The following RALYL variants were observed in gnomAD, a reference collection of about 807,000 sequenced individuals.
The protein encoded by RALYL is RNA-binding Raly-like protein.
A neutral mutation model predicts 35.1 loss-of-function variants in RALYL; 29 were observed. The observed-to-expected ratio is 0.83, with a 90% CI of 0.61 to 1.13. The LOEUF is 1.13. Ranked by LOEUF, RALYL falls within the 50% of genes most tolerant of loss-of-function variation. The pLI, the probability that RALYL is intolerant of heterozygous loss-of-function variation, is 0.00. For missense variants in RALYL, 359 were observed against 360.4 expected, an observed-to-expected ratio of 1.00 and a Z score of 0.03; for synonymous variants, 120 against 127.6, an observed-to-expected ratio of 0.94 and a Z score of 0.40.
chr8:84,835,828 T>C (rs774194775), intron 4 of RALYL, among the ~76,000 whole-genome samples: 3 of 151,908 alleles, frequency 2.0e-5, no homozygotes, highest in Non-Finnish European at 4.4e-5. Flanking sequence ...TACAAGAATG[T>C]CTCTGCCTGA....
At chr8:84,805,493 G>A (rs1427350034) in intron 4 of RALYL, among the ~76,000 whole-genome samples, 2 of 152,260 alleles carry the variant, frequency 1.3e-5, no homozygotes, top group African/African-American at 2.4e-5. Flanking sequence ...AGACCGGCCT[G>A]GCCAACATGG....
intron 8 of RALYL, among the ~76,000 whole-genome samples, chr8:84,913,040 GTAGA>G (rs1554650721): frequency 0.032 from 4,123 of 130,092 alleles, 100 homozygotes; most frequent in South Asian, 0.058. Context: ...GGATAGGTAG[GTAGA>G]TAGATAGATA....
chr8:84,380,201 G>C (rs575987457), intron 1 of RALYL, among the ~76,000 whole-genome samples: 3 of 151,784 alleles, frequency 2.0e-5, no homozygotes, highest in African/African-American at 7.2e-5. Context: ...CCGAAGACTT[G>C]GTTTATTCAT....
At chr8:84,638,573 A>T (rs189787009) in intron 2 of RALYL, among the ~76,000 whole-genome samples, 1 of 151,960 alleles carries the variant, frequency 6.6e-6, no homozygotes, top group Non-Finnish European at 1.5e-5. Context: ...AAGATTAACC[A>T]AGAAAAAAGA....
chr8:84,567,245 G>A (rs977404872), intron 2 of RALYL, among the ~76,000 whole-genome samples: 2 of 151,714 alleles, frequency 1.3e-5, no homozygotes, highest in African/African-American at 4.8e-5. Flanking sequence ...TAGACAGCAT[G>A]TCTAAATGCA....
intron 2 of RALYL, among the ~76,000 whole-genome samples, chr8:84,749,097 T>C (rs543960977): frequency 6.6e-6 from 1 of 152,278 alleles, no homozygotes; most frequent in African/African-American, 2.4e-5. Flanking sequence ...ACTAAAGTGT[T>C]TAAAAAAAAC....
At chr8:84,621,761 G>A (rs1821550816) in intron 2 of RALYL, among the ~76,000 whole-genome samples, 1 of 152,192 alleles carries the variant, frequency 6.6e-6, no homozygotes, top group Non-Finnish European at 1.5e-5. Flanking sequence ...TTTAAAGAGA[G>A]AATAGATTGT....
At chr8:84,366,119 A>AGC (rs1854212270) in intron 1 of RALYL, among the ~76,000 whole-genome samples, 1 of 152,150 alleles carries the variant, frequency 6.6e-6, no homozygotes, top group Non-Finnish European at 1.5e-5. Flanking sequence ...AGAGAGAGAG[A>AGC]GCAATTAACT....
intron 6 of RALYL, among the ~76,000 whole-genome samples, chr8:84,862,943 G>T (rs1838415161): frequency 6.6e-6 from 1 of 152,068 alleles, no homozygotes; most frequent in South Asian, 2.1e-4. Context: ...TGTATCTGAA[G>T]ATATATTTAA....
intron 6 of RALYL, among the ~76,000 whole-genome samples, chr8:84,864,500 T>A (rs1838769456): frequency 6.6e-6 from 1 of 152,204 alleles, no homozygotes. Flanking sequence ...TACTTACTTT[T>A]GTGAAGTGGT....
chr8:84,739,905 A>G (rs996473970), intron 2 of RALYL, among the ~76,000 whole-genome samples: 7 of 151,992 alleles, frequency 4.6e-5, no homozygotes, highest in African/African-American at 1.7e-4. Context: ...ACTATATATA[A>G]GAAGAAAGCA....
intron 2 of RALYL, among the ~76,000 whole-genome samples, chr8:84,552,283 T>C (rs2060777365): frequency 6.8e-6 from 1 of 147,492 alleles, no homozygotes; most frequent in Admixed American, 6.8e-5. Context: ...TTCAATTAAA[T>C]TTAAAGCATT....
intron 1 of RALYL, among the ~76,000 whole-genome samples, chr8:84,397,652 C>G (rs1184239809): frequency 6.6e-6 from 1 of 152,324 alleles, no homozygotes; most frequent in Admixed American, 6.5e-5. Context: ...CCAGATACCA[C>G]TAGAATTTTA....
At chr8:84,522,754 T>G (rs996408578) in intron 1 of RALYL, among the ~76,000 whole-genome samples, 5 of 152,206 alleles carry the variant, frequency 3.3e-5, no homozygotes, top group African/African-American at 1.2e-4. Flanking sequence ...TAACTTTTAG[T>G]GTATGATCCA....
At chr8:84,837,857 T>C (rs1382245444) in intron 4 of RALYL, among the ~76,000 whole-genome samples, 5 of 152,208 alleles carry the variant, frequency 3.3e-5, no homozygotes, top group African/African-American at 1.2e-4. Flanking sequence ...TTCATTTTTC[T>C]AGAAGGTCAA....
At chr8:84,692,047 A>T (rs546032740) in intron 2 of RALYL, among the ~76,000 whole-genome samples, 2 of 152,144 alleles carry the variant, frequency 1.3e-5, no homozygotes, top group African/African-American at 2.4e-5. Flanking sequence ...TTTAAAAAAA[A>T]CTTTGGAAAA....
intron 1 of RALYL, among the ~76,000 whole-genome samples, chr8:84,204,038 G>GTT (rs141958795): frequency 1.7e-4 from 26 of 151,714 alleles, no homozygotes; most frequent in African/African-American, 6.1e-4. Flanking sequence ...CAGTGTATAA[G>GTT]TTTTTTTGTT....
Position 84,782,686 on chromosome 8 carries a change from C to T in RALYL, c.332+8032C>T, listed in dbSNP as rs75787070. Among the ~76,000 whole-genome samples, 666 of 152,240 alleles carry T rather than the reference C, an allele frequency of 4.4e-3. 3 individuals are homozygous for T. The highest frequency in any genetic ancestry group is 7.5e-3 in the Admixed American group (115 of 15,288). On this transcript the variant is annotated intron_variant, in intron 3 of 8. Transcript: ENST00000521268. The stretch of plus-strand genomic sequence containing the variant: ...CCTGGCATCTCACTGTGGGGTATTG[C>T]GGTTAGAGCACCAACAACAGCGCTA...
chr8:84,794,378 T>A (rs749668045), intron 3 of RALYL, among the ~76,000 whole-genome samples: 4 of 152,202 alleles, frequency 2.6e-5, no homozygotes, highest in Non-Finnish European at 4.4e-5. Context: ...CAGGCTGCAC[T>A]CTTGACAGAA....
Sources: gnomAD v4.1 joint callset for allele counts (sites outside exome capture counted in the v4.1 genomes callset) on GRCh38, gnomAD v4.1.1 for gene constraint, MANE v1.5 for transcripts, NCBI Gene and HGNC (gene_info 2026-07-23, HGNC 2026-07-21) for gene names.